The following CPM variants were observed in gnomAD, a reference collection of about 807,000 sequenced individuals.
CPM encodes the protein carboxypeptidase M, also known as renal carboxypeptidase.
A neutral mutation model predicts 46.4 loss-of-function variants in CPM; 35 were observed. That is an observed-to-expected ratio of 0.75 (90% CI 0.58 to 1.00). The LOEUF is 1.00. Among genes scored for constraint, CPM ranks in the 50% least tolerant of loss-of-function variants. The pLI is 0.00. For missense variants in CPM, 422 were observed against 530.4 expected, an observed-to-expected ratio of 0.80 and a Z score of 2.01; for synonymous variants, 195 against 195.3, an observed-to-expected ratio of 1.00 and a Z score of 0.01.
intron 5 of CPM, chr12:68,845,155 T>G: frequency 4.5e-6 from 1 of 223,738 alleles, no homozygotes; most frequent in Non-Finnish European, 8.9e-6. Flanking sequence ...GAAAAGTTTT[T>G]AGTTGCGCTT....
intron 3 of CPM, among the ~76,000 whole-genome samples, 200 bp downstream of exon 3, chr12:68,885,592 C>T (rs1886391381): frequency 6.6e-6 from 1 of 152,154 alleles, no homozygotes; most frequent in South Asian, 2.1e-4. Context: ...GGTACACAAC[C>T]ATACAGCTGT....
chr12:68,872,426 T>C (rs1885747560), intron 3 of CPM, among the ~76,000 whole-genome samples: 1 of 152,116 alleles, frequency 6.6e-6, no homozygotes, highest in Non-Finnish European at 1.5e-5. Context: ...CTAATTCTTG[T>C]ATTTTTAGTA....
intron 2 of CPM, among the ~76,000 whole-genome samples, chr12:68,888,544 AG>A (rs1886528658): frequency 6.6e-6 from 1 of 152,270 alleles, no homozygotes; most frequent in African/African-American, 2.4e-5. Context: ...CCTAGACCAG[AG>A]CAAATGCACA....
chr12:68,903,143 A>G (rs1454135823), intron 2 of CPM, among the ~76,000 whole-genome samples: 1 of 152,256 alleles, frequency 6.6e-6, no homozygotes, highest in Non-Finnish European at 1.5e-5. Context: ...AAGTAGGCCT[A>G]CATGCTCACA....
intron 7 of CPM, 157 bp downstream of exon 7, chr12:68,866,739 A>T: frequency 1.6e-6 from 1 of 642,464 alleles, no homozygotes; most frequent in Non-Finnish European, 2.7e-6. Context: ...CACACTGCAG[A>T]TACTCATGCA....
chr12:68,928,532 T>A (rs900029895), intron 2 of CPM, among the ~76,000 whole-genome samples: 1 of 152,206 alleles, frequency 6.6e-6, no homozygotes, highest in Non-Finnish European at 1.5e-5. Context: ...GTTTTGTAAA[T>A]GAGGATAAGG....
At chr12:68,860,832 G>C (rs1277660848) in intron 7 of CPM, among the ~76,000 whole-genome samples, 1 of 151,964 alleles carries the variant, frequency 6.6e-6, no homozygotes, top group Non-Finnish European at 1.5e-5. Context: ...TTAAATGTAA[G>C]TAACACAGAA....
chr12:68,954,286 A>C (rs1888978535), intron 1 of CPM, among the ~76,000 whole-genome samples: 1 of 152,190 alleles, frequency 6.6e-6, no homozygotes, highest in South Asian at 2.1e-4. Flanking sequence ...TATGACATAC[A>C]TTCCTTCAGT....
chr12:68,926,756 C>A (rs867115295), intron 2 of CPM, among the ~76,000 whole-genome samples: 1 of 152,032 alleles, frequency 6.6e-6, no homozygotes, highest in Non-Finnish European at 1.5e-5. Flanking sequence ...TGTTCCCCTT[C>A]CTGTGTCCAA....
chr12:68,889,983 C>G (rs1162494511), intron 2 of CPM, among the ~76,000 whole-genome samples: 1 of 152,158 alleles, frequency 6.6e-6, no homozygotes, highest in African/African-American at 2.4e-5. Context: ...AAAACCTCTG[C>G]CCTGTCCTCA....
chr12:68,935,605 C>T (rs927978718), upstream of CPM, among the ~76,000 whole-genome samples: 6 of 151,372 alleles, frequency 4.0e-5, no homozygotes, highest in African/African-American at 1.5e-4. Context: ...AGTTGGAAGT[C>T]TTAGTATGAC....
intron 3 of CPM, among the ~76,000 whole-genome samples, chr12:68,884,110 G>GA (rs35514888): frequency 0.2 from 12,760 of 63,858 alleles, 1,282 homozygotes; most frequent in African/African-American, 0.27. Flanking sequence ...AATTCCATCG[G>GA]AAAAAAAAAA....
At chr12:68,848,162 CATT>C (rs1243331378), downstream of CPM, 9 of 152,194 alleles carry the variant, frequency 5.9e-5, no homozygotes, top group African/African-American at 1.9e-4. Context: ...GTTCATTAAA[CATT>C]AATCTCACTG....
chr12:68,869,790 A>G (rs1885607308), intron 5 of CPM, among the ~76,000 whole-genome samples: 1 of 152,164 alleles, frequency 6.6e-6, no homozygotes, highest in African/African-American at 2.4e-5. Flanking sequence ...TTTAGGTATT[A>G]TAGGGGTGAA....
intron 2 of CPM, among the ~76,000 whole-genome samples, chr12:68,920,633 G>T (rs1487910423): frequency 6.6e-6 from 1 of 151,298 alleles, no homozygotes; most frequent in Non-Finnish European, 1.5e-5. Flanking sequence ...GGGGGGAAAA[G>T]ACACTTAAAA....
intron 3 of CPM, among the ~76,000 whole-genome samples, chr12:68,882,187 C>T (rs142627085): frequency 1.3e-5 from 2 of 151,728 alleles, no homozygotes; most frequent in African/African-American, 2.4e-5. Flanking sequence ...ATTTCATCAC[C>T]CAGTTAATAA....
At chr12:68,866,106 G>A (rs1488212389) in intron 7 of CPM, among the ~76,000 whole-genome samples, 1 of 149,072 alleles carries the variant, frequency 6.7e-6, no homozygotes, top group African/African-American at 2.4e-5. Context: ...GGAGGTGAGA[G>A]GGGTTGAAGG....
chr12:68,849,414 GT>G (rs1399413681), downstream of CPM: 39 of 141,056 alleles, frequency 2.8e-4, no homozygotes, highest in African/African-American at 9.4e-4. Context: ...TGTTGTTGTT[GT>G]TTGTTCGTTT....
chr12:68,884,110 G>GAAAAAAAAAAAA (rs35514888), intron 3 of CPM, among the ~76,000 whole-genome samples: 2 of 63,882 alleles, frequency 3.1e-5, no homozygotes, highest in Non-Finnish European at 5.6e-5. Context: ...AATTCCATCG[G>GAAAAAAAAAAAA]AAAAAAAAAA....
Sources: allele counts gnomAD v4.1 joint callset (sites outside exome capture counted in the v4.1 genomes callset), GRCh38; gene constraint gnomAD v4.1.1; transcripts MANE v1.5; gene names NCBI Gene and HGNC (gene_info 2026-07-23, HGNC 2026-07-21).